GRIK1: variants seen among roughly 807,000 people sequenced by gnomAD.
GRIK1 encodes the protein glutamate ionotropic receptor kainate type subunit 1.
A neutral mutation model predicts 105.7 loss-of-function variants in GRIK1; 69 were observed. That is an observed-to-expected ratio of 0.65 (90% CI 0.54 to 0.80). The LOEUF is 0.80. GRIK1 is among the 30% of genes least tolerant of loss of function. The probability of loss-of-function intolerance (pLI) is 0.00; values close to 1 mark genes in which losing one functional copy is unlikely to be tolerated. For synonymous variants in GRIK1, 438 were observed against 431.3 expected, an observed-to-expected ratio of 1.02 and a Z score of -0.19; for missense variants, 1,109 against 1,167.3, an observed-to-expected ratio of 0.95 and a Z score of 0.73.
intron 1 of GRIK1, among the ~76,000 whole-genome samples, chr21:29,898,782 G>A (rs1452167096): frequency 6.6e-6 from 1 of 152,094 alleles, no homozygotes; most frequent in East Asian, 1.9e-4. Context: ...ACATTAGCAG[G>A]CAAAGGTATT....
chr21:29,642,222 G>T (rs2062524840), intron 7 of GRIK1, among the ~76,000 whole-genome samples: 2 of 152,162 alleles, frequency 1.3e-5, no homozygotes, highest in Admixed American at 1.3e-4. Context: ...TCAGAGAAAA[G>T]AAAAGGTGGA....
rs2061290459 is a variant in GRIK1, at chr21:29,589,003, G to C, written c.1405C>G (p.Leu469Val). 4 of 1,603,544 alleles carry C rather than the reference G, an allele frequency of 2.5e-6. No individual in the cohort carries two copies. Among genetic ancestry groups the C allele is most frequent in the Non-Finnish European group, 3.4e-6 (4 of 1,170,410 alleles). The part of the protein sequence containing the change: ...YVMYRKSDKP[L>V]YGNDRFEGYC... ...CCTTCAAATCTGTCATTTCCATATA[G>C]AGGCTTATCAGATTTCCTGTACATA... The change falls in exon 11 of 18, where the codon CTA becomes GTA. Residue 469 changes from leucine to valine, a missense_variant. By Grantham distance (32) the Leu-to-Val change is conservative. Transcript: ENST00000327783.
chr21:29,545,125 C>G (rs769392242), intron 16 of GRIK1, among the ~76,000 whole-genome samples: 1 of 152,190 alleles, frequency 6.6e-6, no homozygotes, highest in Non-Finnish European at 1.5e-5. Context: ...TTTTCCTGCC[C>G]TAGAAAGGAC....
At chr21:29,791,143 G>A (rs1031778012) in intron 1 of GRIK1, among the ~76,000 whole-genome samples, 1 of 152,142 alleles carries the variant, frequency 6.6e-6, no homozygotes, top group Non-Finnish European at 1.5e-5. Context: ...GGAGTATGGT[G>A]TGAGCTCTGG....
chr21:29,673,137 T>G lies in GRIK1; in HGVS notation c.572A>C (p.Lys191Thr), dbSNP rs1276503834. Residue 191 changes from lysine to threonine, a missense_variant, in exon 4 of 18, where the codon AAA becomes ACA. Physicochemically the swap from Lys to Thr is moderately conservative, Grantham distance 78. Around this residue, in one of 5 missense-constraint regions of GRIK1, gnomAD observed 612 missense variants for 586.0 expected, o/e 1.04. Transcript: ENST00000327783. ...TTTAATATTATATCTGGAGGGAGCT[T>G]TGATGAGCTCTTGTAGACGAATTAG... Reference protein sequence around the residue: ...TGLIRLQELIKAPSRYNIKIK... With the variant: ...TGLIRLQELITAPSRYNIKIK... 1 of 1,612,024 alleles carries G rather than the reference T, an allele frequency of 6.2e-7. No individual in the cohort carries two copies. The highest frequency in any genetic ancestry group is 1.7e-5 in the Admixed American group (1 of 59,954).
chr21:29,925,631 C>T (rs942219563), intron 1 of GRIK1, among the ~76,000 whole-genome samples: 1 of 152,184 alleles, frequency 6.6e-6, no homozygotes, highest in Non-Finnish European at 1.5e-5. Context: ...AAACAAAAGG[C>T]AGGTCAGCCT....
intron 1 of GRIK1, among the ~76,000 whole-genome samples, chr21:29,712,123 CATAT>C (rs1389599263): frequency 2.0e-5 from 3 of 147,032 alleles, no homozygotes; most frequent in African/African-American, 7.6e-5. Context: ...CACACACACA[CATAT>C]ATATAGGTCC....
At chr21:29,560,292 T>TTTCTTTCC (rs1412109750) in intron 15 of GRIK1, among the ~76,000 whole-genome samples, 2 of 79,812 alleles carry the variant, frequency 2.5e-5, no homozygotes, top group African/African-American at 1.1e-4. Flanking sequence ...TCTTTCTTTC[T>TTTCTTTCC]TTCTTTCTTT....
At chr21:29,722,647 A>G (rs940582202) in intron 1 of GRIK1, among the ~76,000 whole-genome samples, 2 of 151,882 alleles carry the variant, frequency 1.3e-5, no homozygotes, top group African/African-American at 2.4e-5. Flanking sequence ...AACTAAGATT[A>G]GGTGGTAGTT....
chr21:29,750,173 T>C (rs1315039697), intron 1 of GRIK1, among the ~76,000 whole-genome samples: 1 of 152,098 alleles, frequency 6.6e-6, no homozygotes, highest in African/African-American at 2.4e-5. Context: ...CAATCATACC[T>C]AAACTAGTCA....
intron 1 of GRIK1, among the ~76,000 whole-genome samples, chr21:29,754,713 A>T (rs75559689): frequency 0.042 from 6,463 of 152,244 alleles, 201 homozygotes; most frequent in Non-Finnish European, 0.066. Context: ...CAATCTGTTC[A>T]CTTTCAGTAA....
At chr21:29,614,453 G>T (rs1027472494) in intron 7 of GRIK1, among the ~76,000 whole-genome samples, 3 of 100,114 alleles carry the variant, frequency 3.0e-5, no homozygotes, top group African/African-American at 3.9e-5. Flanking sequence ...CGCCCTTGTT[G>T]CCCAGGCTGG....
intron 4 of GRIK1, among the ~76,000 whole-genome samples, chr21:29,664,272 T>C (rs1171238560): frequency 2.6e-5 from 4 of 152,204 alleles, no homozygotes; most frequent in African/African-American, 9.6e-5. Context: ...GATGTCGTGA[T>C]ACAGAGTTGG....
At chr21:29,644,357 T>C (rs918057776) in intron 6 of GRIK1, among the ~76,000 whole-genome samples, 8 of 152,216 alleles carry the variant, frequency 5.3e-5, no homozygotes, top group Non-Finnish European at 1.2e-4. Flanking sequence ...AAATTTAAGT[T>C]AGCTTTGGTG....
intron 1 of GRIK1, among the ~76,000 whole-genome samples, chr21:29,909,065 C>T (rs2070732117): frequency 6.6e-6 from 1 of 151,972 alleles, no homozygotes. Context: ...TTAAAATCTT[C>T]CCGTGTTTGT....
chr21:29,577,806 C>G (rs569998004), intron 13 of GRIK1, among the ~76,000 whole-genome samples: 2 of 152,122 alleles, frequency 1.3e-5, no homozygotes, highest in African/African-American at 2.4e-5. Context: ...TTCTCTGCAA[C>G]GCATAATTTT....
chr21:29,917,283 G>C (rs1307260846), intron 1 of GRIK1, among the ~76,000 whole-genome samples: 1 of 151,966 alleles, frequency 6.6e-6, no homozygotes, highest in African/African-American at 2.4e-5. Flanking sequence ...GAGGTATGAA[G>C]CCCTGTGACT....
At position 29,576,977 on chromosome 21, in the gene GRIK1, A is replaced by G; in HGVS notation, c.2117T>C (p.Met706Thr). Residue 706 changes from methionine (M) to threonine (T), a missense_variant, in exon 14 of 18, where the codon ATG becomes ACG. Transcript: ENST00000327783. ...TCAGCTTCTTACCTTGAAGAAGGTC[A>G]TTGTTGATCCATCTCTAACCGCCCC... is the stretch of plus-strand genomic sequence containing the variant. ...EYGAVRDGST[M>T]TFFKKSKIST... 1.9e-6 allele frequency: 3 copies of G among 1,599,812 alleles called. No homozygotes were observed. The highest frequency in any genetic ancestry group is 2.6e-6 in the Non-Finnish European group (3 of 1,167,862).
At chr21:29,735,422 C>A (rs1370399226) in intron 1 of GRIK1, among the ~76,000 whole-genome samples, 1 of 152,148 alleles carries the variant, frequency 6.6e-6, no homozygotes, top group South Asian at 2.1e-4. Flanking sequence ...TGGTGACAGT[C>A]CTAATTTCAT....
Sources: gnomAD v4.1 joint callset for allele counts (sites outside exome capture counted in the v4.1 genomes callset) on GRCh38, gnomAD v4.1.1 for gene constraint, gnomAD v4.1.1 regional missense constraint, MANE v1.5 for transcripts, NCBI Gene and HGNC (gene_info 2026-07-23, HGNC 2026-07-21) for gene names.